The following CNOT6L variants were observed in gnomAD, a reference collection of about 807,000 sequenced individuals.
The protein encoded by CNOT6L is CCR4-NOT transcription complex subunit 6 like.
Under a neutral mutation model 64.0 loss-of-function variants are expected in CNOT6L, and 7 were observed. The ratio of observed to expected loss-of-function variants is 0.11; its 90% CI spans 0.06 to 0.21. CNOT6L has a LOEUF of 0.21. CNOT6L is among the 10% of genes least tolerant of loss of function. The pLI is 1.00. For missense variants in CNOT6L, 245 were observed against 669.0 expected (o/e 0.37, Z 6.99); for synonymous variants, 193 against 243.4 (o/e 0.79, Z 1.93).
intron 1 of CNOT6L, among the ~76,000 whole-genome samples, chr4:77,787,004 G>A (rs556762964): frequency 2.0e-5 from 3 of 151,948 alleles, no homozygotes; most frequent in East Asian, 2.0e-4. Flanking sequence ...AGTGGCTCAC[G>A]CCTGTAATCC....
intron 1 of CNOT6L, among the ~76,000 whole-genome samples, chr4:77,785,247 A>G (rs1282831736): frequency 6.6e-6 from 1 of 152,222 alleles, no homozygotes; most frequent in East Asian, 1.9e-4. Flanking sequence ...ACAAACATCA[A>G]TCCATACCTT....
Position 77,748,332 on chromosome 4 carries a change from G to C in CNOT6L, c.543C>G (p.Asp181Glu). Residue 181 changes from aspartate to glutamate, a missense_variant, in exon 6 of 12, where the codon GAC becomes GAG. Asp to Glu is a conservative substitution (Grantham distance 45, BLOSUM62 2). This residue lies in a region of CNOT6L where 94 missense variants were observed against 290.9 expected (regional missense o/e 0.32). Coordinates refer to ENST00000504123, the MANE Select transcript of CNOT6L (RefSeq NM_144571.3). ...ACTATTTACCTGACGGCAGAATTTG[G>C]TCTCGTTCTTTTAATGTAATCCATG... ...PRPWITLKER[D>E]QILPSASFTV... 1 of 1,611,216 alleles carries C rather than the reference G, an allele frequency of 6.2e-7. No individual in the cohort carries two copies. Among genetic ancestry groups the C allele is most frequent in the East Asian group, 2.2e-5 (1 of 44,820 alleles).
At chr4:77,753,876 GATAA>G (rs1199985647) in intron 5 of CNOT6L, among the ~76,000 whole-genome samples, 1 of 137,918 alleles carries the variant, frequency 7.3e-6, no homozygotes, top group Non-Finnish European at 1.5e-5. Flanking sequence ...AAAAGCATCT[GATAA>G]ATTTCAAAAT....
chr4:77,770,468 T>G (rs1218963571), intron 4 of CNOT6L, among the ~76,000 whole-genome samples: 1 of 152,208 alleles, frequency 6.6e-6, no homozygotes, highest in Non-Finnish European at 1.5e-5. Flanking sequence ...TCCCTTCAAT[T>G]GCTTCAAAAG....
chr4:77,810,029 G>A (rs553888015), intron 1 of CNOT6L, among the ~76,000 whole-genome samples: 2 of 151,870 alleles, frequency 1.3e-5, no homozygotes, highest in African/African-American at 2.4e-5. Context: ...ATAATAAATT[G>A]TATCTGTATC....
chr4:77,719,441 T>G lies in CNOT6L; in HGVS notation c.*990A>C, dbSNP rs894289247. 2.6e-5 allele frequency: 4 copies of G among 152,562 alleles called. No homozygotes were observed. Among genetic ancestry groups the G allele is most frequent in the African/African-American group, 9.6e-5 (4 of 41,464 alleles). The allele number at this position is 152,562 out of a possible 1,614,324, so 9.5% of individuals were successfully genotyped here. ...CCACATAATCTATGTTGGAAACACA[T>G]AAAATATCTGTATGATTTTCCCCAT... On this transcript the variant is annotated 3_prime_UTR_variant, in exon 12 of 12. Transcript: ENST00000504123.
At chr4:77,759,610 A>C (rs1725951140) in intron 4 of CNOT6L, among the ~76,000 whole-genome samples, 1 of 151,994 alleles carries the variant, frequency 6.6e-6, no homozygotes, top group African/African-American at 2.4e-5. Context: ...TTGAAAGAAC[A>C]ACCATATCAA....
At chr4:77,759,331 C>T (rs1177844657) in intron 4 of CNOT6L, among the ~76,000 whole-genome samples, 2 of 151,514 alleles carry the variant, frequency 1.3e-5, no homozygotes, top group East Asian at 2.0e-4. Flanking sequence ...TTTGGGAGGC[C>T]GAGGCGGGTG....
At chr4:77,727,092 T>C (rs1352752064) in intron 10 of CNOT6L, among the ~76,000 whole-genome samples, 2 of 152,164 alleles carry the variant, frequency 1.3e-5, no homozygotes, top group African/African-American at 4.8e-5. Context: ...GTAATAAGGA[T>C]TGATAGTAAG....
intron 1 of CNOT6L, among the ~76,000 whole-genome samples, chr4:77,788,939 A>G (rs1729773905): frequency 6.6e-6 from 1 of 152,152 alleles, no homozygotes; most frequent in Non-Finnish European, 1.5e-5. Flanking sequence ...AGCCATATCT[A>G]TATGGCAGTA....
intron 1 of CNOT6L, among the ~76,000 whole-genome samples, chr4:77,792,846 C>T (rs185065480): frequency 3.9e-5 from 6 of 151,960 alleles, no homozygotes; most frequent in Admixed American, 3.9e-4. Context: ...CTGAAGTCCC[C>T]TCTAAAAAAG....
At chr4:77,740,831 C>CT (rs555931247) in intron 8 of CNOT6L, among the ~76,000 whole-genome samples, 224 of 152,238 alleles carry the variant, frequency 1.5e-3, no homozygotes, top group African/African-American at 4.1e-3. Context: ...AATACATTAC[C>CT]TTTTTTACGT....
intron 10 of CNOT6L, among the ~76,000 whole-genome samples, chr4:77,727,052 T>C (rs1318993229): frequency 1.3e-5 from 2 of 152,202 alleles, no homozygotes; most frequent in African/African-American, 2.4e-5. Flanking sequence ...TTATGATGAT[T>C]AGTGCACTGT....
upstream of CNOT6L, chr4:77,819,547 AACCCGGGCCCGGGGTCTCGGGGG>A: frequency 2.0e-6 from 1 of 502,716 alleles, no homozygotes. Context: ...GCGCGCAGGG[AACCCGGGCCCGGGGTCTCGGGGG>A]GCCCGCGCCC....
intron 8 of CNOT6L, among the ~76,000 whole-genome samples, chr4:77,739,039 G>A (rs1440553510): frequency 1.3e-5 from 2 of 152,038 alleles, no homozygotes; most frequent in Non-Finnish European, 2.9e-5. Flanking sequence ...AACTAAACTA[G>A]AATAATGTGA....
At chr4:77,780,949 GGGCAACACAGCAA>G (rs1308337258) in intron 1 of CNOT6L, among the ~76,000 whole-genome samples, 1 of 151,994 alleles carries the variant, frequency 6.6e-6, no homozygotes, top group Non-Finnish European at 1.5e-5. Flanking sequence ...ACTCTAGCCT[GGGCAACACAGCAA>G]GACCCTGCCT....
chr4:77,780,370 A>T (rs1342693456), intron 1 of CNOT6L, among the ~76,000 whole-genome samples: 1 of 152,216 alleles, frequency 6.6e-6, no homozygotes, highest in African/African-American at 2.4e-5. Context: ...ACTTACATAG[A>T]TTCTCAAAAG....
intron 10 of CNOT6L, among the ~76,000 whole-genome samples, chr4:77,727,422 C>T (rs890755330): frequency 1.3e-5 from 2 of 151,938 alleles, no homozygotes; most frequent in African/African-American, 2.4e-5. Context: ...CAAAAATTAG[C>T]TGGGCGTGGT....
intron 1 of CNOT6L, among the ~76,000 whole-genome samples, chr4:77,778,212 C>A (rs548917248): frequency 6.6e-6 from 1 of 152,248 alleles, no homozygotes; most frequent in East Asian, 1.9e-4. Flanking sequence ...TTCTGCTGGA[C>A]ACCATAAGGC....
Sources: allele counts gnomAD v4.1 joint callset (sites outside exome capture counted in the v4.1 genomes callset), GRCh38; gene constraint gnomAD v4.1.1; regional missense constraint gnomAD v4.1.1; transcripts MANE v1.5; gene names NCBI Gene and HGNC (gene_info 2026-07-23, HGNC 2026-07-21).